Variants in AMOTL2 observed in about 807,000 individuals in gnomAD.
AMOTL2 encodes angiomotin-like protein 2.
AMOTL2 carries 33 observed loss-of-function variants against 78.4 expected under a neutral mutation model. The ratio of observed to expected loss-of-function variants is 0.42; its 90% CI spans 0.32 to 0.56. The LOEUF (loss-of-function observed/expected upper bound fraction) is 0.56, where lower values mean the gene tolerates loss of function less well. AMOTL2 is among the 20% of genes least tolerant of loss of function. The pLI is 0.12. For synonymous variants in AMOTL2, 422 were observed against 428.8 expected (o/e 0.98, Z 0.20); for missense variants, 983 against 1,030.1 (o/e 0.95, Z 0.63).
rs745326281 is a variant in AMOTL2 at position 134,366,411 on chromosome 3, T to C, written c.1058A>G (p.Gln353Arg). ...GCTCTCATGGGCCTCAGAGAGCCGC[T>C]GGATTTCGCTTTCCAGCTGCAAGAG... is the stretch of plus-strand genomic sequence containing the variant. ...GRIEKLESEIQRLSEAHESLT... is the reference protein window; with the variant it reads ...GRIEKLESEIRRLSEAHESLT... Residue 353 changes from glutamine to arginine, a missense_variant, in exon 4 of 10, where the codon CAG (glutamine) becomes CGG (arginine). Coordinates refer to ENST00000249883, the MANE Select transcript of AMOTL2 (RefSeq NM_016201.4). 1.4e-5 allele frequency: 22 copies of C among 1,612,496 alleles called. No homozygotes were observed. The highest frequency in any genetic ancestry group is 1.8e-5 in the Non-Finnish European group (21 of 1,179,734).
At chr3:134,360,858 C>T (rs1219157803) in intron 6 of AMOTL2, among the ~76,000 whole-genome samples, 16 of 152,148 alleles carry the variant, frequency 1.1e-4, no homozygotes, top group Non-Finnish European at 2.4e-4. Context: ...ATCTTTCCTC[C>T]CAATCTTGGG....
intron 1 of AMOTL2, chr3:134,373,629 C>A: frequency 3.0e-6 from 3 of 985,468 alleles, no homozygotes; most frequent in Non-Finnish European, 3.6e-6. Flanking sequence ...AGTCTCCAAG[C>A]TAGGAGGTTC....
chr3:134,374,904 T>TGTGG, upstream of AMOTL2: 1 of 1,041,370 alleles, frequency 9.6e-7, no homozygotes, highest in Non-Finnish European at 1.2e-6. Flanking sequence ...ACTCCGGCTG[T>TGTGG]GTGTGTGTGT....
intron 2 of AMOTL2, 122 bp from the exon 3 acceptor site, chr3:134,367,925 A>AACC: frequency 1.4e-6 from 1 of 738,568 alleles, no homozygotes; most frequent in Non-Finnish European, 2.2e-6. Context: ...ATCAATAATT[A>AACC]ATATATTATT....
At chr3:134,358,223 A>T (rs942568872) in intron 9 of AMOTL2, among the ~76,000 whole-genome samples, 2 of 152,232 alleles carry the variant, frequency 1.3e-5, no homozygotes, top group African/African-American at 4.8e-5. Flanking sequence ...CTCTTGGATA[A>T]TCAAATTGGA....
At position 134,367,586 on chromosome 3, in the gene AMOTL2, G is replaced by A. The variant is rs1275052655; in HGVS notation, c.952C>T (p.Leu318=). 1 of 1,613,542 alleles carries A rather than the reference G, an allele frequency of 6.2e-7. No individual in the cohort carries two copies. Among genetic ancestry groups the A allele is most frequent in the South Asian group, 1.1e-5 (1 of 91,052 alleles). ...CTCTGCAGCCTGGCATTCTCCCTCA[G>A]CACGGCCTCCATCTGGGCCAGGTGG... ...SAHLAQMEAV[L]RENARLQRDN... Residue 318 remains leucine, a synonymous_variant, in exon 3 of 10, where the codon CTG becomes TTG. Coordinates refer to ENST00000249883, the MANE Select transcript of AMOTL2 (RefSeq NM_016201.4).
chr3:134,375,156 G>A (rs533796036), upstream of AMOTL2: 307 of 1,534,088 alleles, frequency 2.0e-4, 2 homozygotes, highest in African/African-American at 3.1e-3. Flanking sequence ...GTGAATCTGG[G>A]TTGGAAAATC....
chr3:134,357,621 T>G lies in AMOTL2; in HGVS notation c.*84A>C. 1 of 1,377,690 alleles carries G rather than the reference T, an allele frequency of 7.3e-7. No individual in the cohort carries two copies. Among genetic ancestry groups the G allele is most frequent in the Non-Finnish European group, 1.0e-6 (1 of 965,086 alleles). 85.3% of individuals were successfully genotyped at this position (1,377,690 alleles called of 1,614,324 possible). The stretch of plus-strand genomic sequence containing the variant: ...GCTGGGGAAAGGGACGGAGCAGCGG[T>G]TGACGGGGCTGCTGAAATGGCTGAG... On this transcript the variant is annotated 3_prime_UTR_variant, in exon 10 of 10. Coordinates refer to ENST00000249883, the MANE Select transcript of AMOTL2 (RefSeq NM_016201.4).
rs753657091 is a variant in AMOTL2 at position 134,360,314 on chromosome 3, T to C, written c.1675A>G (p.Ile559Val). 6.2e-7 allele frequency: 1 copy of C among 1,614,222 alleles called. No individual in the cohort carries two copies. Among genetic ancestry groups the C allele is most frequent in the East Asian group, 2.2e-5 (1 of 44,886 alleles). The change falls in exon 7 of 10, where the codon ATC (isoleucine) becomes GTC (valine). Residue 559 changes from isoleucine to valine, a missense_variant. Physicochemically the swap from Ile to Val is conservative, Grantham distance 29. Transcript: ENST00000249883. Reference sequence around the variant, plus strand: ...GTCATGTCGGCCTCCAGCGCCAGGATCTGCTCCTCCTTCTCTCGCAGTTGT... The same window carrying C: ...GTCATGTCGGCCTCCAGCGCCAGGACCTGCTCCTCCTTCTCTCGCAGTTGT... ...SEQLREKEEQ[I>V]LALEADMTKW...
chr3:134,362,016 AG>A (rs1290513924), intron 5 of AMOTL2, among the ~76,000 whole-genome samples: 3 of 152,258 alleles, frequency 2.0e-5, no homozygotes, highest in Admixed American at 6.5e-5. Context: ...GCCCAATTCC[AG>A]GACCCTTGCA....
At chr3:134,372,795 A>T (rs1312695339) in intron 1 of AMOTL2, among the ~76,000 whole-genome samples, 1 of 152,078 alleles carries the variant, frequency 6.6e-6, no homozygotes, top group Non-Finnish European at 1.5e-5. Flanking sequence ...CTGGGCTCCC[A>T]GTGGTTCATG....
At chr3:134,362,253 T>A (rs898770247) in intron 5 of AMOTL2, among the ~76,000 whole-genome samples, 1 of 152,014 alleles carries the variant, frequency 6.6e-6, no homozygotes, top group Admixed American at 6.6e-5. Context: ...AGTGGGAGAA[T>A]GAAAGAAGGG....
intron 3 of AMOTL2, among the ~76,000 whole-genome samples, chr3:134,367,072 C>T (rs1425496835): frequency 6.6e-6 from 1 of 152,190 alleles, no homozygotes; most frequent in Non-Finnish European, 1.5e-5. Context: ...GTGATTCCAA[C>T]AAGTCGCCCA....
At chr3:134,365,047 C>G (rs1300485599) in intron 5 of AMOTL2, among the ~76,000 whole-genome samples, 3 of 152,138 alleles carry the variant, frequency 2.0e-5, no homozygotes, top group Non-Finnish European at 1.5e-5. Context: ...CAGAGCCCCT[C>G]TCTCAGGCCA....
chr3:134,371,330 T>C lies in AMOTL2; in HGVS notation c.104A>G (p.Gln35Arg). The part of the protein sequence containing the change: ...LTETRTLLAI[Q>R]QQALRGGAGT... Reference sequence around the variant, plus strand: ...AGCCCCACCCCTCAGGGCCTGCTGCTGGATGGCTAGCAGCGTGCGCGTCTC... The same window carrying C: ...AGCCCCACCCCTCAGGGCCTGCTGCCGGATGGCTAGCAGCGTGCGCGTCTC... The change falls in exon 2 of 10, where the codon CAG becomes CGG. Residue 35 changes from glutamine (Q) to arginine (R), a missense_variant. Coordinates refer to ENST00000249883, the MANE Select transcript of AMOTL2 (RefSeq NM_016201.4). 1 of 1,612,124 alleles carries C rather than the reference T, an allele frequency of 6.2e-7. No homozygotes were observed. Among genetic ancestry groups the C allele is most frequent in the South Asian group, 1.1e-5 (1 of 91,060 alleles).
rs758563988 is a variant in AMOTL2 at position 134,366,381 on chromosome 3, G to A, written c.1088C>T (p.Thr363Ile). 6 of 1,613,984 alleles carry A rather than the reference G, an allele frequency of 3.7e-6. No homozygotes were observed. Among genetic ancestry groups the A allele is most frequent in the Non-Finnish European group, 5.1e-6 (6 of 1,180,010 alleles). The change falls in exon 4 of 10, where the codon ACC becomes ATC. Residue 363 changes from threonine (T) to isoleucine (I), a missense_variant. Physicochemically the swap from Thr to Ile is moderately conservative, Grantham distance 89 (BLOSUM62 -1). Transcript: ENST00000249883. ...QRLSEAHESL[T>I]RASSKREALE... is the part of the protein sequence containing the mutation. ...GGCCTCACGCTTGGAGGAGGCTCTG[G>A]TCAGGCTCTCATGGGCCTCAGAGAG...
Position 134,357,775 on chromosome 3 carries a change from C to G in AMOTL2, c.2285-12G>C, listed in dbSNP as rs1305311064. 1.9e-6 allele frequency: 3 copies of G among 1,613,854 alleles called. No homozygotes were observed. The highest frequency in any genetic ancestry group is 2.5e-6 in the Non-Finnish European group (3 of 1,179,694). Reference sequence around the variant, plus strand: ...TGTAGCTACAGAGTCTGGAGACAGACAAGAACACAGGCACATGCCAATGAG... The same window carrying G: ...TGTAGCTACAGAGTCTGGAGACAGAGAAGAACACAGGCACATGCCAATGAG... On this transcript the variant is annotated splice_polypyrimidine_tract_variant and intron_variant, in intron 9 of 9. Transcript: ENST00000249883.
chr3:134,374,449 G>A, upstream of AMOTL2: 2 of 985,542 alleles, frequency 2.0e-6, no homozygotes, highest in Non-Finnish European at 1.2e-6. Flanking sequence ...CGACGCTCTG[G>A]CTGTTCGCGC....
Position 134,360,409 on chromosome 3 carries a change from T to C in AMOTL2, c.1580A>G (p.Gln527Arg). 6.2e-7 allele frequency: 1 copy of C among 1,610,290 alleles called. No individual in the cohort carries two copies. Among genetic ancestry groups the C allele is most frequent in the Non-Finnish European group, 8.5e-7 (1 of 1,178,150 alleles). Reference sequence around the variant, plus strand: ...ACTGCTACCACCTGGGGCACCTGCCTGTCTCTGCAGAGCAAGGAGTAGAGA... The same window carrying C: ...ACTGCTACCACCTGGGGCACCTGCCCGTCTCTGCAGAGCAAGGAGTAGAGA... ...ELKALRAQQR[Q>R]AGAPGGSSGS... Residue 527 changes from glutamine (Q) to arginine (R), a missense_variant, in exon 7 of 10, where the codon CAG becomes CGG. Physicochemically the swap from Gln to Arg is conservative, Grantham distance 43. Coordinates refer to ENST00000249883, the MANE Select transcript of AMOTL2 (RefSeq NM_016201.4).
Sources: allele counts gnomAD v4.1 joint callset (sites outside exome capture counted in the v4.1 genomes callset), GRCh38; gene constraint gnomAD v4.1.1; transcripts MANE v1.5; gene names NCBI Gene and HGNC (gene_info 2026-07-23, HGNC 2026-07-21).